The following NALCN variants were observed in gnomAD, a reference collection of about 807,000 sequenced individuals.
The protein encoded by NALCN is sodium leak channel, non-selective, also known as sodium leak channel NALCN.
In NALCN, 111 loss-of-function variants were observed where a neutral mutation model predicts 225.3. The observed-to-expected ratio is 0.49, with a 90% confidence interval of 0.42 to 0.58. The LOEUF (loss-of-function observed/expected upper bound fraction) is 0.58. Among genes scored for constraint, NALCN ranks in the 20% least tolerant of loss-of-function variants. The pLI is 0.00. For synonymous variants in NALCN, 764 were observed against 769.0 expected, an observed-to-expected ratio of 0.99 and a Z score of 0.11; for missense variants, 1,378 against 2,202.4, an observed-to-expected ratio of 0.63 and a Z score of 7.49.
At chr13:101,399,584 T>A (rs1699136532) in intron 1 of NALCN, among the ~76,000 whole-genome samples, 1 of 152,194 alleles carries the variant, frequency 6.6e-6, no homozygotes, top group South Asian at 2.1e-4. Context: ...GTTTCCCCAG[T>A]GTTAATTTAA....
chr13:101,244,585 C>T (rs1359795391), intron 11 of NALCN, among the ~76,000 whole-genome samples: 1 of 152,192 alleles, frequency 6.6e-6, no homozygotes, highest in African/African-American at 2.4e-5. Context: ...AACACTCTAG[C>T]TCTCTGAAAT....
intron 1 of NALCN, among the ~76,000 whole-genome samples, chr13:101,405,041 A>G (rs1044929551): frequency 3.3e-5 from 5 of 152,218 alleles, no homozygotes; most frequent in African/African-American, 1.2e-4. Context: ...CTTATTTCAA[A>G]TGTTTTTATT....
chr13:101,111,147 G>C lies in NALCN; in HGVS notation c.2272C>G (p.His758Asp). The change falls in exon 19 of 44, where the codon CAT (histidine) becomes GAT (aspartate). Residue 758 changes from histidine (H) to aspartate (D), a missense_variant. By Grantham distance (81) the His-to-Asp change is moderately conservative. This residue lies in a region of NALCN where 66 missense variants were observed against 85.7 expected (regional missense o/e 0.77). Coordinates refer to ENST00000251127, the MANE Select transcript of NALCN (RefSeq NM_052867.4). ...AKERSILSVQ[H>D]HIRQERRSLR... is the part of the protein sequence containing the mutation. ...TACCTGCGCTCTTGGCGGATATGAT[G>C]CTGCACGCTGAGGATTGACCTCTCC... 1 of 1,608,242 alleles carries C rather than the reference G, an allele frequency of 6.2e-7. No homozygotes were observed. Among genetic ancestry groups the C allele is most frequent in the Non-Finnish European group, 8.5e-7 (1 of 1,175,520 alleles).
At chr13:101,155,553 G>A (rs1018353453) in intron 15 of NALCN, among the ~76,000 whole-genome samples, 2 of 152,188 alleles carry the variant, frequency 1.3e-5, no homozygotes, top group Non-Finnish European at 2.9e-5. Flanking sequence ...TCATATCAGT[G>A]TGTATATGAC....
chr13:101,399,484 C>T (rs761131994), intron 1 of NALCN, among the ~76,000 whole-genome samples: 165 of 152,142 alleles, frequency 1.1e-3, no homozygotes, highest in Non-Finnish European at 1.8e-3. Context: ...TAGATGTATG[C>T]TCTTATACCT....
At chr13:101,232,757 A>G (rs2041402971) in intron 12 of NALCN, among the ~76,000 whole-genome samples, 1 of 152,104 alleles carries the variant, frequency 6.6e-6, no homozygotes, top group African/African-American at 2.4e-5. Context: ...TCCTGCTGTA[A>G]TTCTTAACAT....
At position 101,082,268 on chromosome 13, in the gene NALCN, G is replaced by A. The variant is rs145513880; in HGVS notation, c.3765+541C>T. Among the ~76,000 whole-genome samples the A allele has an allele frequency of 8.8e-3, 1,340 of 152,030 alleles. 11 individuals carry two copies. Among genetic ancestry groups the A allele is most frequent in the Middle Eastern group, 0.018 (5 of 280 alleles). On this transcript the variant is annotated intron_variant, in intron 33 of 43. Transcript: ENST00000251127. Reference sequence around the variant, plus strand: ...TATATGATTTTATTTTTGAAGCTAAGTAGCTTACAAATCTGTGTTCTCTAC... The same window carrying A: ...TATATGATTTTATTTTTGAAGCTAAATAGCTTACAAATCTGTGTTCTCTAC...
chr13:101,070,677 G>A (rs1440662418), intron 37 of NALCN, among the ~76,000 whole-genome samples: 1 of 152,114 alleles, frequency 6.6e-6, no homozygotes, highest in Non-Finnish European at 1.5e-5. Flanking sequence ...TGAGCAGTAG[G>A]TCTCAAGAGT....
chr13:101,209,370 G>C lies in NALCN; in HGVS notation c.1627-17316C>G, dbSNP rs114424383. 4.8e-4 allele frequency among the ~76,000 whole-genome samples: 73 copies of C among 152,246 alleles called. 1 individual carries two copies. Among genetic ancestry groups the C allele is most frequent in the African/African-American group, 1.8e-3 (73 of 41,548 alleles). ...ATCACTGTAGAACTTGTATAAACAT[G>C]TTTGTCTATCAAAGTGTATATTTGC... On this transcript the variant is annotated intron_variant, in intron 13 of 43. Coordinates refer to ENST00000251127, the MANE Select transcript of NALCN (RefSeq NM_052867.4).
intron 27 of NALCN, among the ~76,000 whole-genome samples, chr13:101,096,405 T>C (rs1249054202): frequency 1.3e-5 from 2 of 152,204 alleles, no homozygotes; most frequent in Admixed American, 6.5e-5. Context: ...AGGGATGAAG[T>C]CCTGATACGT....
At chr13:101,068,857 G>T (rs1386604610) in intron 37 of NALCN, 30 bp from the exon 38 acceptor site, 2 of 1,574,548 alleles carry the variant, frequency 1.3e-6, no homozygotes, top group Non-Finnish European at 1.7e-6. Context: ...AAGAAGGAGA[G>T]GATAAGAGTA....
At chr13:101,367,694 A>G (rs1166471798) in intron 6 of NALCN, among the ~76,000 whole-genome samples, 1 of 152,188 alleles carries the variant, frequency 6.6e-6, no homozygotes, top group Non-Finnish European at 1.5e-5. Flanking sequence ...TTCTGTGTAT[A>G]TGTTGAAGGT....
At chr13:101,335,690 AG>A (rs1489815398) in intron 7 of NALCN, among the ~76,000 whole-genome samples, 4 of 151,530 alleles carry the variant, frequency 2.6e-5, no homozygotes, top group Non-Finnish European at 5.9e-5. Context: ...TAAATGCATC[AG>A]AAAAACCCCT....
chr13:101,257,166 CCT>C (rs1248415697), intron 11 of NALCN, among the ~76,000 whole-genome samples: 1 of 150,880 alleles, frequency 6.6e-6, no homozygotes, highest in African/African-American at 2.4e-5. Context: ...TTCATCAGCC[CCT>C]GTCATTAGTT....
chr13:101,219,163 T>C (rs2040847369), intron 13 of NALCN, among the ~76,000 whole-genome samples: 1 of 152,158 alleles, frequency 6.6e-6, no homozygotes, highest in Non-Finnish European at 1.5e-5. Context: ...CAGTGAAAGA[T>C]CCAGTCCTGA....
chr13:101,412,595 C>T (rs568351233), intron 1 of NALCN, among the ~76,000 whole-genome samples: 7 of 152,290 alleles, frequency 4.6e-5, no homozygotes, highest in East Asian at 1.9e-4. Context: ...CAACTTCGCT[C>T]CTTCATACTA....
chr13:101,064,644 A>G (rs773435399), intron 40 of NALCN, among the ~76,000 whole-genome samples: 6 of 152,018 alleles, frequency 3.9e-5, no homozygotes, highest in Non-Finnish European at 8.8e-5. Context: ...CAAGCCAAGG[A>G]ATGACCAACA....
intron 13 of NALCN, among the ~76,000 whole-genome samples, chr13:101,207,896 T>G (rs1051938465): frequency 6.6e-6 from 1 of 152,238 alleles, no homozygotes; most frequent in African/African-American, 2.4e-5. Flanking sequence ...ACTGTCTTTA[T>G]GAGCTGCAAC....
At chr13:101,252,334 G>A (rs2042086608) in intron 11 of NALCN, among the ~76,000 whole-genome samples, 1 of 152,208 alleles carries the variant, frequency 6.6e-6, no homozygotes, top group South Asian at 2.1e-4. Flanking sequence ...AATCTTTGCA[G>A]AGAAACTCTG....
Sources: allele counts gnomAD v4.1 joint callset (sites outside exome capture counted in the v4.1 genomes callset), GRCh38; gene constraint gnomAD v4.1.1; regional missense constraint gnomAD v4.1.1; transcripts MANE v1.5; gene names NCBI Gene and HGNC (gene_info 2026-07-23, HGNC 2026-07-21).